Variants in ZNG1E observed in about 807,000 individuals in gnomAD.
ZNG1E encodes Zn regulated GTPase metalloprotein activator 1E.
At chr9:65,662,737 T>C in the ZNG1E span, among the ~76,000 whole-genome samples, 1 of 151,946 alleles carries the variant, frequency 6.6e-6, no homozygotes, top group African/African-American at 2.4e-5. Flanking sequence ...AAAATTGTTA[T>C]GTTAAGCATT....
At chr9:65,684,204 A>G in the ZNG1E span, among the ~76,000 whole-genome samples, 2 of 152,170 alleles carry the variant, frequency 1.3e-5, no homozygotes, top group South Asian at 2.1e-4. Context: ...TAAAAAATAC[A>G]AAGAAGAAAG....
the ZNG1E span, among the ~76,000 whole-genome samples, chr9:65,717,898 G>A: frequency 6.8e-6 from 1 of 146,078 alleles, no homozygotes; most frequent in East Asian, 1.9e-4. Flanking sequence ...TGTTGCTGAA[G>A]CTGATCTTAA....
the ZNG1E span, among the ~76,000 whole-genome samples, chr9:65,721,555 G>A: frequency 1.3e-5 from 2 of 150,136 alleles, no homozygotes; most frequent in Admixed American, 6.6e-5. Flanking sequence ...ACATTTAGCT[G>A]ATTTTATTTC....
At chr9:65,694,890 AT>A in the ZNG1E span, 3 of 185,972 alleles carry the variant, frequency 1.6e-5, no homozygotes, top group African/African-American at 1.1e-4. Flanking sequence ...TGAAATATTC[AT>A]TTTTTAATCA....
the ZNG1E span, chr9:65,679,680 G>C: frequency 1.2e-5 from 3 of 252,238 alleles, no homozygotes; most frequent in African/African-American, 4.7e-5. Flanking sequence ...TCAGCCTCTC[G>C]AGTAGCTGGG....
the ZNG1E span, among the ~76,000 whole-genome samples, chr9:65,679,709 C>T: frequency 6.6e-6 from 1 of 152,260 alleles, no homozygotes; most frequent in Non-Finnish European, 1.5e-5. Context: ...CATGCGCCAC[C>T]ATGCCCAGAT....
At chr9:65,715,270 T>C in the ZNG1E span, among the ~76,000 whole-genome samples, 116,696 of 138,974 alleles carry the variant, frequency 0.84, 48,078 homozygotes, top group South Asian at 0.92. Context: ...GGATGGAGCA[T>C]GCACCCACTG....
the ZNG1E span, among the ~76,000 whole-genome samples, chr9:65,666,277 A>G: frequency 2.0e-5 from 3 of 150,364 alleles, no homozygotes. Context: ...GGCCTTTCTC[A>G]TGCTGTTTTT....
At chr9:65,714,843 G>T in the ZNG1E span, among the ~76,000 whole-genome samples, 1 of 152,000 alleles carries the variant, frequency 6.6e-6, no homozygotes, top group Non-Finnish European at 1.5e-5. Flanking sequence ...GGTTACTGCT[G>T]TCTTTTTGTG....
the ZNG1E span, among the ~76,000 whole-genome samples, chr9:65,655,612 C>T: frequency 6.6e-6 from 1 of 152,298 alleles, no homozygotes; most frequent in Non-Finnish European, 1.5e-5. Context: ...AGGCGCACGC[C>T]ACCATGCCTG....
At chr9:65,665,466 C>T in the ZNG1E span, among the ~76,000 whole-genome samples, 2 of 152,260 alleles carry the variant, frequency 1.3e-5, no homozygotes, top group African/African-American at 4.8e-5. Flanking sequence ...GGAAACTCCG[C>T]CTAGATATCA....
At chr9:65,665,433 C>G in the ZNG1E span, among the ~76,000 whole-genome samples, 1 of 152,268 alleles carries the variant, frequency 6.6e-6, no homozygotes, top group Non-Finnish European at 1.5e-5. Flanking sequence ...TGCGGGTGCA[C>G]AGAAGTCAAG....
At chr9:65,661,341 C>T in the ZNG1E span, among the ~76,000 whole-genome samples, 2 of 149,212 alleles carry the variant, frequency 1.3e-5, no homozygotes, top group East Asian at 2.0e-4. Flanking sequence ...AACCCCTGGA[C>T]CTTACCATTT....
chr9:65,693,849 G>A, the ZNG1E span, among the ~76,000 whole-genome samples: 3 of 151,780 alleles, frequency 2.0e-5, no homozygotes, highest in African/African-American at 4.8e-5. Context: ...GAGCCACCAC[G>A]CCCGGCCTGA....
the ZNG1E span, among the ~76,000 whole-genome samples, chr9:65,668,216 G>T: frequency 4.4e-4 from 67 of 151,988 alleles, no homozygotes. Context: ...ATATACATGA[G>T]ACTTAGTCTA....
the ZNG1E span, among the ~76,000 whole-genome samples, chr9:65,663,006 A>T: frequency 2.0e-5 from 3 of 152,236 alleles, no homozygotes; most frequent in African/African-American, 7.2e-5. Context: ...AGATAGTGAA[A>T]TGAACATTTA....
the ZNG1E span, chr9:65,681,698 G>GTTTA: frequency 7.0e-7 from 1 of 1,435,416 alleles, no homozygotes; most frequent in Non-Finnish European, 9.3e-7. Flanking sequence ...TGTGTACATG[G>GTTTA]TTTACTAGAA....
At chr9:65,714,203 C>T in the ZNG1E span, among the ~76,000 whole-genome samples, 1 of 148,498 alleles carries the variant, frequency 6.7e-6, no homozygotes, top group East Asian at 1.9e-4. Flanking sequence ...GTTTTCAGCT[C>T]CATCAGCTCC....
At chr9:65,715,104 G>T in the ZNG1E span, among the ~76,000 whole-genome samples, 1 of 149,492 alleles carries the variant, frequency 6.7e-6, no homozygotes, top group Non-Finnish European at 1.5e-5. Flanking sequence ...CTCCTGGTGC[G>T]CCGTTTTTCA....
Sources: gnomAD v4.1 joint callset for allele counts (sites outside exome capture counted in the v4.1 genomes callset) on GRCh38, gnomAD v4.1.1 for gene constraint, MANE v1.5 for transcripts, NCBI Gene and HGNC (gene_info 2026-07-23, HGNC 2026-07-21) for gene names.